The following NBPF9 variants were observed in gnomAD, a reference collection of about 807,000 sequenced individuals.
NBPF9 encodes NBPF family member NBPF9.
Under a neutral mutation model 97.8 loss-of-function variants are expected in NBPF9, and 91 were observed. The observed-to-expected ratio is 0.93, with a 90% CI of 0.79 to 1.11. NBPF9 has a LOEUF of 1.11. Among genes scored for constraint, NBPF9 ranks in the 50% least tolerant of loss-of-function variants. NBPF9 has a pLI of 0.00. For synonymous variants in NBPF9, 334 were observed against 359.5 expected, an observed-to-expected ratio of 0.93 and a Z score of 0.80; for missense variants, 992 against 939.5, an observed-to-expected ratio of 1.06 and a Z score of -0.73.
chr1:149,087,400 TAGAC>T (rs1362369215), intron 5 of NBPF9, among the ~76,000 whole-genome samples: 1 of 151,098 alleles, frequency 6.6e-6, no homozygotes, highest in Admixed American at 6.6e-5. Context: ...AAGAATCAAT[TAGAC>T]ATACATGTGA....
At position 149,057,704 on chromosome 1, in the gene NBPF9, G is replaced by GACAC. The variant is rs879952249; in HGVS notation, c.2811-201_2811-198dup. On this transcript the variant is annotated intron_variant, in intron 27 of 29. Coordinates refer to ENST00000584027, the Ensembl canonical transcript of NBPF9. ...AAAGAATGAAAGAGAAAGACAGATA[G>GACAC]ACACACACACACACACACACACACA... Among the ~76,000 whole-genome samples the GACAC allele has an allele frequency of 9.8e-3, 270 of 27,646 alleles. 3 individuals are homozygous for GACAC. Among genetic ancestry groups the GACAC allele is most frequent in the African/African-American group, 0.018 (195 of 10,616 alleles). The allele number at this position is 27,646 out of a possible 152,430, so 18.1% of individuals were successfully genotyped here.
At position 149,079,175 on chromosome 1, in the gene NBPF9, A is replaced by G. The variant is rs1319704481; in HGVS notation, c.325T>C (p.Leu109=). ...CTCCCTTCCCGTAACTTCTCCTTTA[A>G]CTGCGTCAGCTCTCGTTCCTGAGAG... Residue 109 remains leucine (L), a synonymous_variant, in exon 9 of 30, where the codon TTA becomes CTA. Transcript: ENST00000584027. 462 of 1,239,876 alleles carry G rather than the reference A, an allele frequency of 3.7e-4. No homozygotes were observed. In the African/African-American group the frequency reaches 5.9e-3, roughly 16 times the overall value. The allele number at this position is 1,239,876 out of a possible 1,614,324, so 76.8% of individuals were successfully genotyped here. A position where few individuals can be genotyped will look rare whatever the true frequency, so the allele number is the denominator to read the frequency against.
rs1187039063 is a variant in NBPF9, at chr1:149,077,743, G to C, written c.566+140C>G. The C allele has an allele frequency of 7.6e-5, 85 of 1,112,174 alleles. No homozygotes were observed. In the African/African-American group the frequency reaches 1.2e-3, roughly 16 times the overall value. 68.9% of individuals were successfully genotyped at this position (1,112,174 alleles called of 1,614,324 possible). A position where few individuals can be genotyped will look rare whatever the true frequency, so the allele number is the denominator to read the frequency against. On this transcript the variant is annotated intron_variant, in intron 10 of 29. Coordinates refer to ENST00000584027, the Ensembl canonical transcript of NBPF9. ...AAACACGACAGCTGCCGCACCCTGT[G>C]TCTAAGCTGGGTTCAATTTCACATA...
intron 5 of NBPF9, 120 bp downstream of exon 5, chr1:149,090,633 A>C: frequency 1.6e-6 from 1 of 619,874 alleles, no homozygotes; most frequent in Non-Finnish European, 2.8e-6. Context: ...TTAAAGTGAT[A>C]CGAAGAAAAC....
chr1:149,064,055 T>C (rs1488289875), intron 19 of NBPF9, among the ~76,000 whole-genome samples: 7 of 135,192 alleles, frequency 5.2e-5, no homozygotes, highest in African/African-American at 2.1e-4. Context: ...GCTGAGTGAT[T>C]TGGTCAGGTG....
intron 21 of NBPF9, 122 bp downstream of exon 21, chr1:149,062,740 T>C (rs587646778): frequency 2.6e-6 from 2 of 766,454 alleles, no homozygotes; most frequent in Admixed American, 1.7e-5. Flanking sequence ...CCAACAGCAA[T>C]GGCAGTAGGA....
At chr1:149,079,658 G>A (rs3979095) in intron 8 of NBPF9, among the ~76,000 whole-genome samples, 3 of 150,804 alleles carry the variant, frequency 2.0e-5, no homozygotes, top group Admixed American at 6.6e-5. Context: ...TGACAGGGTC[G>A]AGAAGGCAAC....
At chr1:149,085,560 C>T (rs2080924307) in intron 5 of NBPF9, among the ~76,000 whole-genome samples, 2 of 152,086 alleles carry the variant, frequency 1.3e-5, no homozygotes, top group Admixed American at 6.5e-5. Context: ...TTGAGTCTTC[C>T]AATCAATGAA....
chr1:149,055,621 G>T (rs782758497), exon 30 of NBPF9: 1 of 1,611,564 alleles, frequency 6.2e-7, no homozygotes, highest in East Asian at 2.2e-5. Context: ...GGTCCTGCCT[G>T]CAGGAATGAC....
rs1303509142 is a variant in NBPF9, at chr1:149,077,527, A to G, written c.567-108T>C. On this transcript the variant is annotated intron_variant, in intron 10 of 29. Transcript: ENST00000584027. ...GGCGGCATTAAGAGAGTGGTTCCAGAAAGCAAAACGGAGGTTCCCTTAAAG... is the reference window on the plus strand; with the variant it reads ...GGCGGCATTAAGAGAGTGGTTCCAGGAAGCAAAACGGAGGTTCCCTTAAAG... 1.7e-5 allele frequency: 25 copies of G among 1,441,314 alleles called. No homozygotes were observed. The South Asian group carries it at 2.6e-4, about 15-fold the overall frequency. 89.3% of individuals were successfully genotyped at this position (1,441,314 alleles called of 1,614,324 possible).
At chr1:149,076,155 G>C (rs1553654273) in intron 11 of NBPF9, among the ~76,000 whole-genome samples, 1 of 151,948 alleles carries the variant, frequency 6.6e-6, no homozygotes, top group African/African-American at 2.4e-5. Context: ...CAATGTTTCT[G>C]TGTAGCACAA....
In NBPF9 at chr1:149,064,342, T is replaced by G. The variant is rs1156292535; in HGVS notation, c.1853+89A>C. 63 of 784,058 alleles carry G rather than the reference T, an allele frequency of 8.0e-5. 1 individual carries two copies. The highest frequency in any genetic ancestry group is 1.1e-4 in the Non-Finnish European group (53 of 480,394). The allele number at this position is 784,058 out of a possible 1,614,324, so 48.6% of individuals were successfully genotyped here. The stretch of plus-strand genomic sequence containing the variant: ...TTCATACTTGTCTGACAAGACAAAA[T>G]CATTATTTTCAGCATGTACTGTTTT... On this transcript the variant is annotated intron_variant, in intron 19 of 29. Transcript: ENST00000584027.
intron 21 of NBPF9, among the ~76,000 whole-genome samples, chr1:149,062,567 C>T (rs879180717): frequency 5.0e-5 from 7 of 139,876 alleles, no homozygotes; most frequent in East Asian, 2.1e-4. Context: ...GGACACACAG[C>T]GAACAGTGAT....
At position 149,072,546 on chromosome 1, in the gene NBPF9, C is replaced by T. The variant is rs1457520991; in HGVS notation, c.1306+172G>A. 3.9e-5 allele frequency among the ~76,000 whole-genome samples: 6 copies of T among 152,264 alleles called. No individual in the cohort carries two copies. The South Asian group carries it at 1.2e-3, about 32-fold the overall frequency. On this transcript the variant is annotated intron_variant, in intron 14 of 29. Coordinates refer to ENST00000584027, the Ensembl canonical transcript of NBPF9. Reference sequence around the variant, plus strand: ...ACACTTGCAATAATGTGACCTCCAACCCCATGGGTTTCCCATCTCCGTTCT... The same window carrying T: ...ACACTTGCAATAATGTGACCTCCAATCCCATGGGTTTCCCATCTCCGTTCT...
chr1:149,056,050 G>T, intron 29 of NBPF9, 151 bp from the exon 30 acceptor site: 9 of 1,519,304 alleles, frequency 5.9e-6, no homozygotes, highest in Non-Finnish European at 8.0e-6. Flanking sequence ...TTGCCTTTAT[G>T]TTGGGATAGA....
At chr1:149,097,070 GAGGAAGGGAGGA>G (rs1283340274) in intron 4 of NBPF9, among the ~76,000 whole-genome samples, 1 of 138,218 alleles carries the variant, frequency 7.2e-6, no homozygotes, top group African/African-American at 2.9e-5. Flanking sequence ...GGGAAGGAAG[GAGGAAGGGAGGA>G]AGGAAGGAAG....
At chr1:149,087,794 T>A (rs878976433) in intron 5 of NBPF9, among the ~76,000 whole-genome samples, 1 of 150,238 alleles carries the variant, frequency 6.7e-6, no homozygotes, top group Non-Finnish European at 1.5e-5. Flanking sequence ...GTAGTTTTTG[T>A]TGTACTGGCC....
exon 14 of NBPF9, chr1:149,072,906 T>A: frequency 6.2e-7 from 1 of 1,607,194 alleles, no homozygotes; most frequent in South Asian, 1.1e-5. Flanking sequence ...CTCTCGTTCC[T>A]GAGCGTGAAC....
At chr1:149,058,789 A>G (rs1411796142) in intron 26 of NBPF9, 136 bp downstream of exon 26, 13 of 673,504 alleles carry the variant, frequency 1.9e-5, no homozygotes, top group Admixed American at 4.4e-5. Context: ...CAGTTTCATT[A>G]CAACCTATAT....
Sources: gnomAD v4.1 joint callset for allele counts (sites outside exome capture counted in the v4.1 genomes callset) on GRCh38, gnomAD v4.1.1 for gene constraint, MANE v1.5 for transcripts, NCBI Gene and HGNC (gene_info 2026-07-23, HGNC 2026-07-21) for gene names.